KDM4D: variants seen among roughly 807,000 people sequenced by gnomAD.
The protein encoded by KDM4D is lysine demethylase 4D.
For synonymous variants in KDM4D, 254 were observed against 249.1 expected (o/e 1.02, Z -0.19); for missense variants, 427 against 674.8 (o/e 0.63, Z 4.07).
At chr11:94,992,847 T>G (rs1397178237) in intron 2 of KDM4D, among the ~76,000 whole-genome samples, 1 of 152,192 alleles carries the variant, frequency 6.6e-6, no homozygotes, top group African/African-American at 2.4e-5. Flanking sequence ...TAGAATTTTT[T>G]CAGTTATCAA....
Position 94,998,805 on chromosome 11 carries a change from G to A in KDM4D, c.1433G>A (p.Gly478Asp). The A allele has an allele frequency of 6.2e-7, 1 of 1,602,896 alleles. No homozygotes were observed. Among genetic ancestry groups the A allele is most frequent in the South Asian group, 1.1e-5 (1 of 90,104 alleles). ...QTPAKRPLLA[G>D]TTCTASGPEP... ...CCAGCCAAGAGGCCCCTCTTGGCGG[G>A]CACAACATGCACAGCTTCGGGCCCA... The change falls in exon 3 of 3, where the codon GGC becomes GAC. Residue 478 changes from glycine (G) to aspartate (D), a missense_variant. Physicochemically the swap from Gly to Asp is moderately conservative, Grantham distance 94. Transcript: ENST00000335080. This position sits in a 1 kb window ranked among gnomAD's most constrained non-coding sequence, Gnocchi z 6.7.
At chr11:94,991,264 A>C (rs13377454) in intron 2 of KDM4D, among the ~76,000 whole-genome samples, 89,737 of 151,996 alleles carry the variant, frequency 0.59, 27,298 homozygotes, top group Middle Eastern at 0.73. Context: ...TGAGCTTCTA[A>C]TCTGCCTTTT....
At chr11:94,977,659 T>C (rs1857808988) in intron 2 of KDM4D, among the ~76,000 whole-genome samples, 1 of 152,114 alleles carries the variant, frequency 6.6e-6, no homozygotes, top group Non-Finnish European at 1.5e-5. Context: ...TTTTATCTTT[T>C]AAAATTATAT....
intron 2 of KDM4D, among the ~76,000 whole-genome samples, chr11:94,989,729 T>C (rs1857917571): frequency 6.9e-6 from 1 of 144,830 alleles, no homozygotes; most frequent in Non-Finnish European, 1.5e-5. Flanking sequence ...CCTTTAACCT[T>C]CTTTCTCTCT....
At chr11:94,989,417 ACCACTGTTACTGCTG>A (rs1261343794) in intron 2 of KDM4D, among the ~76,000 whole-genome samples, 5 of 152,218 alleles carry the variant, frequency 3.3e-5, no homozygotes, top group Non-Finnish European at 7.3e-5. Context: ...GCTGCCAGAT[ACCACTGTTACTGCTG>A]CAGTATCCAT....
chr11:94,975,294 T>C (rs1857788158), intron 1 of KDM4D, among the ~76,000 whole-genome samples: 1 of 152,136 alleles, frequency 6.6e-6, no homozygotes, highest in East Asian at 1.9e-4. Flanking sequence ...CCACTAAACA[T>C]TACCAGAGTC....
rs149748108 is a variant in KDM4D, at chr11:94,997,702, T to C, written c.330T>C (p.Tyr110=). The change falls in exon 3 of 3, where the codon TAT becomes TAC. Residue 110 remains tyrosine (Y), a synonymous_variant. Transcript: ENST00000335080. ...EYRHLANSKK[Y]QTPPHQNFED... is the part of the protein sequence containing the mutation. ...GCCATTTGGCAAACAGTAAAAAATA[T>C]CAGACTCCACCACACCAGAATTTCG... 9.9e-6 allele frequency: 16 copies of C among 1,614,016 alleles called. No individual in the cohort carries two copies. Among genetic ancestry groups the C allele is most frequent in the South Asian group, 5.5e-5 (5 of 91,076 alleles).
chr11:94,998,573 G>T lies in KDM4D; in HGVS notation c.1201G>T (p.Val401Leu). ...CAGTGGGACACGGTGCCACACCCTT[G>T]TGTGCTCTTCACTCCCACGCCGATC... ...ARSGTRCHTL[V>L]CSSLPRRSAV... The change falls in exon 3 of 3, where the codon GTG becomes TTG. Residue 401 changes from valine to leucine, a missense_variant. By Grantham distance (32) the Val-to-Leu change is conservative (BLOSUM62 1). Transcript: ENST00000335080. This position sits in a 1 kb window ranked among gnomAD's most constrained non-coding sequence, Gnocchi z 6.7. 1 of 1,613,766 alleles carries T rather than the reference G, an allele frequency of 6.2e-7. No individual in the cohort carries two copies. The highest frequency in any genetic ancestry group is 8.5e-7 in the Non-Finnish European group (1 of 1,180,032).
Position 94,998,109 on chromosome 11 carries a change from T to G in KDM4D, c.737T>G (p.Val246Gly). The change falls in exon 3 of 3, where the codon GTG (valine) becomes GGG (glycine). Residue 246 changes from valine to glycine, a missense_variant. Transcript: ENST00000335080. The surrounding 1 kb of genome is among the most constrained non-coding windows in gnomAD (Gnocchi z 6.7). ...TGTGGGGCCTTCCTGCGGCACAAGG[T>G]GGCCCTCATCTCGCCTACAGTTCTC... ...RGCGAFLRHKVALISPTVLKE... is the reference protein window; with the variant it reads ...RGCGAFLRHKGALISPTVLKE... The G allele has an allele frequency of 6.2e-7, 1 of 1,614,104 alleles. No homozygotes were observed.
Position 94,998,722 on chromosome 11 carries a change from A to G in KDM4D, c.1350A>G (p.Arg450=), listed in dbSNP as rs1857999566. The change falls in exon 3 of 3, where the codon AGA becomes AGG. Residue 450 remains arginine, a synonymous_variant. Coordinates refer to ENST00000335080, the MANE Select transcript of KDM4D (RefSeq NM_018039.3). This position sits in a 1 kb window ranked among gnomAD's most constrained non-coding sequence, Gnocchi z 6.7. ...AGATTATCCACCCGTCAAATGGCAG[A>G]CGTGGTCGTGGTCGCCCTCCTCAGA... is the stretch of plus-strand genomic sequence containing the variant. ...SAQIIHPSNG[R]RGRGRPPQKL... is the part of the protein sequence containing the mutation. 6.2e-7 allele frequency: 1 copy of G among 1,614,140 alleles called. No homozygotes were observed. The highest frequency in any genetic ancestry group is 8.5e-7 in the Non-Finnish European group (1 of 1,180,000).
At position 94,999,417 on chromosome 11, in the gene KDM4D, G is replaced by C. The variant is rs1335425978; in HGVS notation, c.*473G>C. On this transcript the variant is annotated 3_prime_UTR_variant, in exon 3 of 3. Transcript: ENST00000335080. Reference sequence around the variant, plus strand: ...TACAGATAAGGTCAGTAGAGTTCCAGAATAAAAGATATGACTTTTCTGAGT... The same window carrying C: ...TACAGATAAGGTCAGTAGAGTTCCACAATAAAAGATATGACTTTTCTGAGT... The C allele has an allele frequency of 2.4e-5, 4 of 167,306 alleles. No individual in the cohort carries two copies. Among genetic ancestry groups the C allele is most frequent in the Non-Finnish European group, 4.4e-5 (3 of 68,350 alleles). 10.4% of individuals were successfully genotyped at this position (167,306 alleles called of 1,614,324 possible).
chr11:94,977,715 A>G (rs1555097141), intron 2 of KDM4D, among the ~76,000 whole-genome samples: 1 of 151,982 alleles, frequency 6.6e-6, no homozygotes, highest in African/African-American at 2.4e-5. Flanking sequence ...ACCCTATATA[A>G]TTTAGTTATG....
chr11:94,989,744 C>G (rs979968720), intron 2 of KDM4D, among the ~76,000 whole-genome samples: 4 of 118,870 alleles, frequency 3.4e-5, no homozygotes, highest in Non-Finnish European at 7.0e-5. Flanking sequence ...CTCTCTCTCT[C>G]TCTCTTTCTT....
chr11:94,982,715 A>C lies in KDM4D; in HGVS notation c.-350+6967A>C, dbSNP rs112105358. ...TTGAAAAGGGATGTAAGATCAATAA[A>C]TAATAAGAAAACTTAATAGAAAAAA... On this transcript the variant is annotated intron_variant, in intron 2 of 2. Transcript: ENST00000335080. Among the ~76,000 whole-genome samples the C allele has an allele frequency of 2.4e-3, 365 of 152,070 alleles. 4 individuals carry two copies. The highest frequency in any genetic ancestry group is 8.1e-3 in the African/African-American group (338 of 41,570).
At chr11:94,984,575 G>T (rs587609086) in intron 2 of KDM4D, among the ~76,000 whole-genome samples, 35 of 151,850 alleles carry the variant, frequency 2.3e-4, no homozygotes, top group African/African-American at 8.2e-4. Flanking sequence ...AAAATAGCAG[G>T]CCAGGCATGG....
chr11:94,986,815 G>A (rs1289571626), intron 2 of KDM4D, among the ~76,000 whole-genome samples: 3 of 152,018 alleles, frequency 2.0e-5, no homozygotes, highest in African/African-American at 7.2e-5. Flanking sequence ...ATACTCCTAC[G>A]TATCTACCCA....
In KDM4D at chr11:94,997,895, G is replaced by A. The variant is rs148400811; in HGVS notation, c.523G>A (p.Val175Ile). The change falls in exon 3 of 3, where the codon GTC becomes ATC. Residue 175 changes from valine to isoleucine, a missense_variant. By Grantham distance (29) the Val-to-Ile change is conservative (BLOSUM62 3). Coordinates refer to ENST00000335080, the MANE Select transcript of KDM4D (RefSeq NM_018039.3). ...EKECGVVIEG[V>I]NTPYLYFGMW... Reference sequence around the variant, plus strand: ...GGAATGTGGGGTTGTCATAGAAGGCGTCAATACACCCTACTTGTACTTTGG... The same window carrying A: ...GGAATGTGGGGTTGTCATAGAAGGCATCAATACACCCTACTTGTACTTTGG... The A allele has an allele frequency of 2.2e-5, 36 of 1,614,220 alleles. No homozygotes were observed. In the East Asian group the frequency reaches 4.0e-4, roughly 18 times the overall value.
Position 94,997,528 on chromosome 11 carries a change from T to A in KDM4D, c.156T>A (p.Ile52=). The change falls in exon 3 of 3, where the codon ATT becomes ATA. Residue 52 remains isoleucine, a synonymous_variant. Coordinates refer to ENST00000335080, the MANE Select transcript of KDM4D (RefSeq NM_018039.3). ...GAHRAGLAKI[I]PPKEWKARET... Reference sequence around the variant, plus strand: ...ACAGAGCTGGCTTGGCTAAGATAATTCCACCCAAAGAATGGAAAGCCAGAG... The same window carrying A: ...ACAGAGCTGGCTTGGCTAAGATAATACCACCCAAAGAATGGAAAGCCAGAG... 1 of 1,614,126 alleles carries A rather than the reference T, an allele frequency of 6.2e-7. No homozygotes were observed. The highest frequency in any genetic ancestry group is 8.5e-7 in the Non-Finnish European group (1 of 1,180,028).
intron 2 of KDM4D, among the ~76,000 whole-genome samples, chr11:94,988,592 G>T (rs1555098336): frequency 1.3e-5 from 2 of 152,204 alleles, no homozygotes; most frequent in African/African-American, 4.8e-5. Flanking sequence ...AGAGGCAGCA[G>T]TAGCTTAGAC....
Sources: allele counts gnomAD v4.1 joint callset (sites outside exome capture counted in the v4.1 genomes callset), GRCh38; gene constraint gnomAD v4.1.1; non-coding constraint Gnocchi (gnomAD v3.1); transcripts MANE v1.5; gene names NCBI Gene and HGNC (gene_info 2026-07-23, HGNC 2026-07-21).